IMMP2L: variants seen among roughly 807,000 people sequenced by gnomAD.
IMMP2L encodes inner mitochondrial membrane peptidase subunit 2.
Under a neutral mutation model 19.3 loss-of-function variants are expected in IMMP2L, and 18 were observed. The observed-to-expected ratio is 0.93, with a 90% CI of 0.64 to 1.38. The LOEUF is 1.38. Ranked by LOEUF, IMMP2L falls within the 40% of genes most tolerant of loss-of-function variation. The pLI is 0.00. For synonymous variants in IMMP2L, 76 were observed against 73.0 expected, an observed-to-expected ratio of 1.04 and a Z score of -0.21; for missense variants, 233 against 218.2, an observed-to-expected ratio of 1.07 and a Z score of -0.43.
At chr7:111,418,395 G>T (rs989506072) in intron 3 of IMMP2L, among the ~76,000 whole-genome samples, 4 of 151,566 alleles carry the variant, frequency 2.6e-5, no homozygotes, top group Admixed American at 2.0e-4. Context: ...CTTCATCCTA[G>T]ATGTACTGCA....
chr7:110,749,275 G>C (rs1406543918), intron 5 of IMMP2L, among the ~76,000 whole-genome samples: 2 of 152,148 alleles, frequency 1.3e-5, no homozygotes, highest in African/African-American at 2.4e-5. Flanking sequence ...GGAGAAATAG[G>C]AACGTTTTTA....
chr7:110,814,368 G>C lies in IMMP2L; in HGVS notation c.408+72225C>G, dbSNP rs1019884439. Among the ~76,000 whole-genome samples, 4 of 151,328 alleles carry C rather than the reference G, an allele frequency of 2.6e-5. No homozygotes were observed. The South Asian group carries it at 8.3e-4, about 32-fold the overall frequency. The stretch of plus-strand genomic sequence containing the variant: ...ATTATGACTAAACAATAGCTGAAGA[G>C]CATTGTTCTCTATTTACTCCTAAGA... On this transcript the variant is annotated intron_variant, in intron 5 of 5. Transcript: ENST00000405709.
chr7:110,993,288 G>A (rs949440022), intron 3 of IMMP2L, among the ~76,000 whole-genome samples: 1 of 152,080 alleles, frequency 6.6e-6, no homozygotes, highest in Non-Finnish European at 1.5e-5. Context: ...TGCCCTCTTA[G>A]TACATAAGTT....
chr7:111,036,909 T>G (rs893012151), intron 3 of IMMP2L, among the ~76,000 whole-genome samples: 3 of 152,182 alleles, frequency 2.0e-5, no homozygotes, highest in Admixed American at 6.5e-5. Flanking sequence ...GGTTTTGCAA[T>G]TAAAAAGAAA....
At chr7:110,665,471 A>G (rs1584438251) in intron 5 of IMMP2L, among the ~76,000 whole-genome samples, 1 of 152,224 alleles carries the variant, frequency 6.6e-6, no homozygotes, top group African/African-American at 2.4e-5. Flanking sequence ...CATAGTTCAT[A>G]TTCAAAATTT....
intron 5 of IMMP2L, among the ~76,000 whole-genome samples, chr7:110,857,192 T>C (rs1881167): frequency 0.013 from 1,998 of 152,218 alleles, 37 homozygotes; most frequent in African/African-American, 0.045. Context: ...AATTCATCAG[T>C]AATCCAAGTA....
Position 111,315,912 on chromosome 7 carries a change from GA to G in IMMP2L, c.239+171325del, listed in dbSNP as rs1178831901. ...AAAGTACAGTTATGCATCACTTAAT[GA>G]TGGAAACACATTCTGAGAAAAGCAT... On this transcript the variant is annotated intron_variant, in intron 3 of 5. Transcript: ENST00000405709. Among the ~76,000 whole-genome samples the G allele has an allele frequency of 5.3e-5, 8 of 152,058 alleles. No homozygotes were observed. The East Asian group carries it at 1.5e-3, about 29-fold the overall frequency.
At chr7:111,378,002 T>TA (rs935334827) in intron 3 of IMMP2L, among the ~76,000 whole-genome samples, 6 of 151,808 alleles carry the variant, frequency 4.0e-5, no homozygotes, top group Admixed American at 2.6e-4. Flanking sequence ...GAGAATCCAT[T>TA]AAAAAAAATC....
intron 3 of IMMP2L, among the ~76,000 whole-genome samples, chr7:111,211,389 A>G (rs1811292306): frequency 6.6e-6 from 1 of 152,222 alleles, no homozygotes; most frequent in African/African-American, 2.4e-5. Context: ...AAAAAAGGAA[A>G]GACATAAGAA....
At chr7:111,363,447 T>C (rs1176602291) in intron 3 of IMMP2L, among the ~76,000 whole-genome samples, 1 of 152,114 alleles carries the variant, frequency 6.6e-6, no homozygotes, top group Non-Finnish European at 1.5e-5. Context: ...CTTGTAGAAA[T>C]AATATTTCCT....
At chr7:111,078,966 G>A (rs1394402000) in intron 3 of IMMP2L, among the ~76,000 whole-genome samples, 2 of 152,016 alleles carry the variant, frequency 1.3e-5, no homozygotes, top group African/African-American at 2.4e-5. Flanking sequence ...CTGACCTGAG[G>A]TGATCCACCT....
At chr7:111,195,561 A>AT (rs1203479806) in intron 3 of IMMP2L, among the ~76,000 whole-genome samples, 1 of 152,174 alleles carries the variant, frequency 6.6e-6, no homozygotes, top group South Asian at 2.1e-4. Context: ...ATTATAAAGG[A>AT]TTTTTTATTT....
chr7:111,383,988 G>T (rs972572208), intron 3 of IMMP2L, among the ~76,000 whole-genome samples: 3 of 151,970 alleles, frequency 2.0e-5, no homozygotes, highest in Non-Finnish European at 4.4e-5. Flanking sequence ...TTATTTAATT[G>T]TATCTCCCAG....
At chr7:111,001,268 A>T (rs1302231625) in intron 3 of IMMP2L, among the ~76,000 whole-genome samples, 7 of 152,188 alleles carry the variant, frequency 4.6e-5, no homozygotes, top group Admixed American at 4.6e-4. Flanking sequence ...TGTAATCTTT[A>T]ATTATTACAA....
In IMMP2L at chr7:110,896,663, AC is replaced by A. The variant is rs775836044; in HGVS notation, c.306-9969del. Reference sequence around the variant, plus strand: ...CTGAGGTATTTTCGTATGTTATTTTACATATAATTGGTATTATTGCATTTGT... The same window carrying A: ...CTGAGGTATTTTCGTATGTTATTTTAATATAATTGGTATTATTGCATTTGT... On this transcript the variant is annotated intron_variant, in intron 4 of 5. Coordinates refer to ENST00000405709, the MANE Select transcript of IMMP2L (RefSeq NM_032549.4). 9.1e-4 allele frequency among the ~76,000 whole-genome samples: 25 copies of A among 27,494 alleles called. 7 individuals are homozygous for A. Among genetic ancestry groups the A allele is most frequent in the African/African-American group, 4.3e-3 (7 of 1,646 alleles). 18.0% of individuals were successfully genotyped at this position (27,494 alleles called of 152,430 possible).
intron 3 of IMMP2L, among the ~76,000 whole-genome samples, chr7:111,069,271 A>G (rs1359667785): frequency 6.6e-6 from 1 of 152,202 alleles, no homozygotes; most frequent in Non-Finnish European, 1.5e-5. Context: ...ATCAATTAGC[A>G]ATGACTTCCA....
intron 5 of IMMP2L, among the ~76,000 whole-genome samples, chr7:110,879,395 A>AG (rs1270393784): frequency 6.6e-6 from 1 of 151,878 alleles, no homozygotes; most frequent in Admixed American, 6.6e-5. Context: ...CTCAAAAAAA[A>AG]AAAAGGAAGT....
intron 4 of IMMP2L, among the ~76,000 whole-genome samples, chr7:110,946,171 C>T (rs1242747467): frequency 2.0e-5 from 3 of 152,136 alleles, no homozygotes; most frequent in Admixed American, 1.3e-4. Flanking sequence ...TCCAAAGTTT[C>T]CGATTCAAAG....
At chr7:111,187,980 C>A (rs1808459231) in intron 3 of IMMP2L, among the ~76,000 whole-genome samples, 1 of 151,350 alleles carries the variant, frequency 6.6e-6, no homozygotes, top group African/African-American at 2.4e-5. Flanking sequence ...TAAAGGAGGG[C>A]ATGGGGATAG....
Sources: allele counts gnomAD v4.1 joint callset (sites outside exome capture counted in the v4.1 genomes callset), GRCh38; gene constraint gnomAD v4.1.1; transcripts MANE v1.5; gene names NCBI Gene and HGNC (gene_info 2026-07-23, HGNC 2026-07-21).